PPFIBP2: variants seen among roughly 807,000 people sequenced by gnomAD.
The protein encoded by PPFIBP2 is PPFIB scaffold protein 2.
Under a neutral mutation model 118.3 loss-of-function variants are expected in PPFIBP2, and 118 were observed. The ratio of observed to expected loss-of-function variants is 1.00; its 90% confidence interval spans 0.86 to 1.16. The LOEUF is 1.16. PPFIBP2 is among the 50% of genes most tolerant of loss of function. PPFIBP2 has a pLI of 0.00. For synonymous variants in PPFIBP2, 414 were observed against 397.4 expected (o/e 1.04, Z -0.50); for missense variants, 1,195 against 1,073.1 (o/e 1.11, Z -1.59).
intron 1 of PPFIBP2, among the ~76,000 whole-genome samples, chr11:7,523,659 C>A (rs1319214839): frequency 6.6e-6 from 1 of 152,172 alleles, no homozygotes; most frequent in Non-Finnish European, 1.5e-5. Flanking sequence ...GGTGGAGGAA[C>A]CACTAATGCA....
At chr11:7,567,519 C>A (rs1413058919) in intron 3 of PPFIBP2, among the ~76,000 whole-genome samples, 3 of 152,218 alleles carry the variant, frequency 2.0e-5, no homozygotes, top group Non-Finnish European at 2.9e-5. Context: ...CCATCACTAA[C>A]CTATGCATGG....
At chr11:7,635,879 GA>G (rs1189238636) in intron 14 of PPFIBP2, among the ~76,000 whole-genome samples, 2 of 152,160 alleles carry the variant, frequency 1.3e-5, no homozygotes, top group African/African-American at 2.4e-5. Context: ...TAATCACTGG[GA>G]AGGGGATTGC....
chr11:7,661,579 A>G (rs931589563), downstream of PPFIBP2, among the ~76,000 whole-genome samples: 8 of 128,688 alleles, frequency 6.2e-5, no homozygotes, highest in African/African-American at 1.6e-4. Flanking sequence ...TATGTGGTCA[A>G]TTTTGGAATA....
chr11:7,631,668 C>T (rs145223601), intron 11 of PPFIBP2, among the ~76,000 whole-genome samples: 24 of 152,248 alleles, frequency 1.6e-4, no homozygotes, highest in Admixed American at 6.5e-4. Context: ...TTCCTGAAAA[C>T]GTCACACTAT....
At chr11:7,612,834 T>C (rs1261290031) in intron 6 of PPFIBP2, among the ~76,000 whole-genome samples, 3 of 152,252 alleles carry the variant, frequency 2.0e-5, no homozygotes, top group African/African-American at 4.8e-5. Flanking sequence ...TTTGCTGGTA[T>C]GCACAGAACT....
chr11:7,538,773 C>T (rs1444539634), intron 1 of PPFIBP2, among the ~76,000 whole-genome samples: 1 of 152,190 alleles, frequency 6.6e-6, no homozygotes, highest in African/African-American at 2.4e-5. Flanking sequence ...GAAAAAGACG[C>T]TAAGCAAGAA....
intron 3 of PPFIBP2, among the ~76,000 whole-genome samples, chr11:7,566,828 A>G (rs964903078): frequency 2.0e-5 from 3 of 152,146 alleles, no homozygotes; most frequent in Non-Finnish European, 2.9e-5. Flanking sequence ...CTGTTCACCA[A>G]AATAGAGTTT....
chr11:7,634,405 C>A, intron 12 of PPFIBP2, 90 bp from the exon 13 acceptor site: 2 of 1,033,956 alleles, frequency 1.9e-6, no homozygotes, highest in Non-Finnish European at 3.0e-6. Flanking sequence ...AAGCCCAAGA[C>A]CATCGGTTAA....
chr11:7,655,041 C>G (rs943746284), downstream of PPFIBP2, among the ~76,000 whole-genome samples: 4 of 152,166 alleles, frequency 2.6e-5, no homozygotes, highest in African/African-American at 9.7e-5. Context: ...GTCTGAGCTC[C>G]TGTTGCCTGG....
At chr11:7,649,352 AT>A in intron 20 of PPFIBP2, 117 bp downstream of exon 20, 1 of 1,261,822 alleles carries the variant, frequency 7.9e-7, no homozygotes, top group Non-Finnish European at 1.1e-6. Context: ...AAATAGTATC[AT>A]TTGTCACAAA....
chr11:7,578,412 GA>G (rs1349233821), intron 3 of PPFIBP2, among the ~76,000 whole-genome samples: 1 of 152,224 alleles, frequency 6.6e-6, no homozygotes, highest in Admixed American at 6.5e-5. Context: ...TGTAACTGCA[GA>G]AGGACAGAAG....
chr11:7,608,871 C>T (rs186369989), intron 5 of PPFIBP2, among the ~76,000 whole-genome samples: 51 of 152,354 alleles, frequency 3.3e-4, no homozygotes, highest in African/African-American at 1.1e-3. Flanking sequence ...TTGCATTGGA[C>T]GCACTCATCT....
chr11:7,570,312 T>C (rs1467486002), intron 3 of PPFIBP2, among the ~76,000 whole-genome samples: 1 of 152,156 alleles, frequency 6.6e-6, no homozygotes, highest in African/African-American at 2.4e-5. Context: ...GTGTCCCAGG[T>C]CTTTGGGTGA....
intron 2 of PPFIBP2, among the ~76,000 whole-genome samples, chr11:7,551,280 C>A (rs1239646937): frequency 6.6e-6 from 1 of 152,148 alleles, no homozygotes; most frequent in Non-Finnish European, 1.5e-5. Flanking sequence ...CACTTCAGAG[C>A]CTTCAGCCAA....
chr11:7,575,509 G>T (rs563410177), intron 3 of PPFIBP2, among the ~76,000 whole-genome samples: 2 of 152,264 alleles, frequency 1.3e-5, no homozygotes, highest in East Asian at 3.9e-4. Flanking sequence ...GGAGAGGGGA[G>T]AATTTTCCAC....
At chr11:7,600,011 C>T (rs903932542) in intron 5 of PPFIBP2, among the ~76,000 whole-genome samples, 1 of 151,958 alleles carries the variant, frequency 6.6e-6, no homozygotes, top group Non-Finnish European at 1.5e-5. Context: ...TGGTATTGGG[C>T]GTGTGGTACC....
At chr11:7,639,647 CAG>C (rs1370472600) in intron 14 of PPFIBP2, 83 bp from the exon 15 acceptor site, 39 of 1,560,932 alleles carry the variant, frequency 2.5e-5, no homozygotes, top group Non-Finnish European at 3.2e-5. Flanking sequence ...TCTTGCAAAA[CAG>C]GGAGTTGTTC....
intron 4 of PPFIBP2, among the ~76,000 whole-genome samples, chr11:7,596,683 C>G (rs1451259047): frequency 6.6e-6 from 1 of 152,010 alleles, no homozygotes; most frequent in East Asian, 1.9e-4. Context: ...CAACTCTAAC[C>G]AAAAAGGTCT....
the PPFIBP2 span, chr11:7,665,409 G>C: frequency 4.4e-6 from 7 of 1,604,680 alleles, no homozygotes; most frequent in South Asian, 1.1e-5. Flanking sequence ...GTATAACCCA[G>C]CTTCTCCAGG....
Sources: gnomAD v4.1 joint callset for allele counts (sites outside exome capture counted in the v4.1 genomes callset) on GRCh38, gnomAD v4.1.1 for gene constraint, MANE v1.5 for transcripts, NCBI Gene and HGNC (gene_info 2026-07-23, HGNC 2026-07-21) for gene names.